Variants in GSDME observed in about 807,000 individuals in gnomAD.
GSDME encodes gasdermin E, also known as gasdermin-E.
GSDME carries 44 observed loss-of-function variants against 47.5 expected under a neutral mutation model. That is an observed-to-expected ratio of 0.93 (90% CI 0.73 to 1.19). The LOEUF (loss-of-function observed/expected upper bound fraction) is 1.19. Ranked by LOEUF, GSDME falls within the 50% of genes most tolerant of loss-of-function variation. GSDME has a pLI of 0.00. For synonymous variants in GSDME, 258 were observed against 252.8 expected, an observed-to-expected ratio of 1.02 and a Z score of -0.20; for missense variants, 663 against 604.2, an observed-to-expected ratio of 1.10 and a Z score of -1.02.
At chr7:24,767,449 A>G in the GSDME span, among the ~76,000 whole-genome samples, 216 of 152,122 alleles carry the variant, frequency 1.4e-3, 4 homozygotes, top group Admixed American at 0.011. This position sits in a 1 kb window ranked among gnomAD's most constrained non-coding sequence, Gnocchi z 5.3. Flanking sequence ...CTGTATATGT[A>G]TGCCCAGTCT....
At position 24,736,063 on chromosome 7, in the gene GSDME, T is replaced by G. The variant is rs1294577284; in HGVS notation, c.404+8499A>C. Among the ~76,000 whole-genome samples the G allele has an allele frequency of 6.6e-6, 1 of 151,750 alleles. No homozygotes were observed. Among genetic ancestry groups the G allele is most frequent in the Non-Finnish European group, 1.5e-5 (1 of 67,946 alleles). On this transcript the variant is annotated intron_variant, in intron 3 of 9. Coordinates refer to ENST00000645220, the MANE Select transcript of GSDME (RefSeq NM_001127453.2). This position sits in a 1 kb window ranked among gnomAD's most constrained non-coding sequence, Gnocchi z 4.6. ...AAAAAATAGAAAGCAAGAAATTAAATCATACCACCATAGAAAGTCACCTTC... is the reference window on the plus strand; with the variant it reads ...AAAAAATAGAAAGCAAGAAATTAAAGCATACCACCATAGAAAGTCACCTTC...
the GSDME span, among the ~76,000 whole-genome samples, chr7:24,766,967 TG>T: frequency 6.6e-6 from 1 of 152,190 alleles, no homozygotes; most frequent in Admixed American, 6.5e-5. This position sits in a 1 kb window ranked among gnomAD's most constrained non-coding sequence, Gnocchi z 4.2. Context: ...CAGCATCTGT[TG>T]TTTCCTGATT....
intron 6 of GSDME, 122 bp from the exon 7 acceptor site, chr7:24,708,376 TAGTC>T (rs1789209117): frequency 8.4e-7 from 1 of 1,194,126 alleles, no homozygotes; most frequent in Non-Finnish European, 1.2e-6. Flanking sequence ...CCCAGCTGCA[TAGTC>T]AGTCATGGAA....
At chr7:24,737,069 A>G (rs892561792) in intron 3 of GSDME, among the ~76,000 whole-genome samples, 1 of 152,122 alleles carries the variant, frequency 6.6e-6, no homozygotes, top group African/African-American at 2.4e-5. Context: ...AATTTCAAAT[A>G]AACAATCTAA....
In GSDME at chr7:24,708,194, G is replaced by C. The variant is rs142366720; in HGVS notation, c.923C>G (p.Thr308Arg). Residue 308 changes from threonine (T) to arginine (R), a missense_variant, in exon 7 of 10, where the codon ACA (threonine) becomes AGA (arginine). By Grantham distance (71) the Thr-to-Arg change is moderately conservative (BLOSUM62 -1). Coordinates refer to ENST00000645220, the MANE Select transcript of GSDME (RefSeq NM_001127453.2). ...PFAELPEPQQTALSDIFQAVL... is the reference protein window; with the variant it reads ...PFAELPEPQQRALSDIFQAVL... The stretch of plus-strand genomic sequence containing the variant: ...CGCCTGGAAGATGTCACTCAAAGCT[G>C]TCTGTTGTGGCTCAGGCAGCTCCGC... 3.1e-6 allele frequency: 5 copies of C among 1,614,078 alleles called. No homozygotes were observed. In the African/African-American group the frequency reaches 6.7e-5, roughly 22 times the overall value.
chr7:24,717,522 G>T, intron 4 of GSDME, 148 bp from the exon 5 acceptor site: 2 of 1,255,996 alleles, frequency 1.6e-6, no homozygotes, highest in Non-Finnish European at 2.2e-6. Context: ...AGCCAGCATG[G>T]GGGATGGGGG....
chr7:24,760,387 CA>C (rs1454114374), upstream of GSDME, among the ~76,000 whole-genome samples: 1 of 152,184 alleles, frequency 6.6e-6, no homozygotes, highest in Non-Finnish European at 1.5e-5. The surrounding 1 kb of genome is among the most constrained non-coding windows in gnomAD (Gnocchi z 4.2). Flanking sequence ...ATAACCTCTG[CA>C]AAGGAGAGAA....
Position 24,733,824 on chromosome 7 carries a change from T to A in GSDME, c.404+10738A>T, listed in dbSNP as rs1403083583. ...GAGGCCCTGACTCCTGGACAGCATC[T>A]CTGGACCCACCTGGGGCCCCAGGGA... is the stretch of plus-strand genomic sequence containing the variant. On this transcript the variant is annotated intron_variant, in intron 3 of 9. Coordinates refer to ENST00000645220, the MANE Select transcript of GSDME (RefSeq NM_001127453.2). This position sits in a 1 kb window ranked among gnomAD's most constrained non-coding sequence, Gnocchi z 4.3. Among the ~76,000 whole-genome samples, 2 of 152,170 alleles carry A rather than the reference T, an allele frequency of 1.3e-5. No individual in the cohort carries two copies. The highest frequency in any genetic ancestry group is 4.8e-5 in the African/African-American group (2 of 41,436).
intron 3 of GSDME, among the ~76,000 whole-genome samples, chr7:24,730,299 C>T (rs1790103839): frequency 6.6e-6 from 1 of 152,228 alleles, no homozygotes; most frequent in African/African-American, 2.4e-5. Context: ...TACATTTTAA[C>T]ATCTCAGAAA....
In GSDME at chr7:24,719,062, C is replaced by T. The variant is rs2128053614; in HGVS notation, c.561G>A (p.Gln187=). Residue 187 remains glutamine, a synonymous_variant, in exon 4 of 10, where the codon CAG becomes CAA. Coordinates refer to ENST00000645220, the MANE Select transcript of GSDME (RefSeq NM_001127453.2). ...EEKCGGIVGI[Q]TKTVQVSATE... is the part of the protein sequence containing the mutation. ...CTGCACGCACCTGCACCGTCTTGGT[C>T]TGGATGCCCACGATGCCACCACACT... 6.2e-7 allele frequency: 1 copy of T among 1,612,812 alleles called. No individual in the cohort carries two copies. Among genetic ancestry groups the T allele is most frequent in the East Asian group, 2.2e-5 (1 of 44,874 alleles).
In GSDME at chr7:24,716,918, A is replaced by G; in HGVS notation, c.697+336T>C. The G allele has an allele frequency of 2.7e-6, 1 of 375,554 alleles. No homozygotes were observed. The highest frequency in any genetic ancestry group is 5.2e-6 in the Non-Finnish European group (1 of 193,634). The allele number at this position is 375,554 out of a possible 1,614,324, so 23.3% of individuals were successfully genotyped here. The stretch of plus-strand genomic sequence containing the variant: ...CTTGCCTGAGACCTCATAGGACATC[A>G]TGGCACCGGGGTTGATGCCCAGTGT... On this transcript the variant is annotated intron_variant, in intron 5 of 9. Coordinates refer to ENST00000645220, the MANE Select transcript of GSDME (RefSeq NM_001127453.2). This position sits in a 1 kb window ranked among gnomAD's most constrained non-coding sequence, Gnocchi z 4.5.
intron 2 of GSDME, among the ~76,000 whole-genome samples, chr7:24,748,144 GTATATA>G (rs149368687): frequency 3.5e-4 from 50 of 140,946 alleles, no homozygotes; most frequent in Non-Finnish European, 6.1e-4. Context: ...ATTATATAGA[GTATATA>G]TATATATATA....
intron 3 of GSDME, among the ~76,000 whole-genome samples, chr7:24,738,576 A>G (rs548305288): frequency 3.3e-5 from 5 of 152,302 alleles, no homozygotes; most frequent in Admixed American, 6.5e-5. Flanking sequence ...TAGAGATTCA[A>G]TGCAATCCCT....
intron 1 of GSDME, among the ~76,000 whole-genome samples, chr7:24,751,286 AAAG>A (rs1790851711): frequency 6.6e-6 from 1 of 152,250 alleles, no homozygotes. Flanking sequence ...CCACATACAA[AAAG>A]AAGAAAATAA....
chr7:24,747,769 G>A (rs1453388989), intron 2 of GSDME, among the ~76,000 whole-genome samples: 1 of 152,072 alleles, frequency 6.6e-6, no homozygotes, highest in Non-Finnish European at 1.5e-5. Context: ...CTGGGTTCAA[G>A]CGATCCTCCC....
rs1789481898 is a variant in GSDME at position 24,714,737 on chromosome 7, TACCTCC to T, written c.697+2511_697+2516del. On this transcript the variant is annotated intron_variant, in intron 5 of 9. Coordinates refer to ENST00000645220, the MANE Select transcript of GSDME (RefSeq NM_001127453.2). The surrounding 1 kb of genome is among the most constrained non-coding windows in gnomAD (Gnocchi z 5.0). ...CAAACCCCATCTGAGAAAGAGAGGC[TACCTCC>T]ACAGAGCTGCGTCAGGGCAGGGTCT... 6.6e-6 allele frequency among the ~76,000 whole-genome samples: 1 copy of T among 152,188 alleles called. No homozygotes were observed. Among genetic ancestry groups the T allele is most frequent in the African/African-American group, 2.4e-5 (1 of 41,454 alleles).
At chr7:24,704,975 A>C (rs545464359) in intron 8 of GSDME, 2 of 152,390 alleles carry the variant, frequency 1.3e-5, no homozygotes, top group Non-Finnish European at 2.9e-5. Flanking sequence ...GATGGGGGCC[A>C]CCACACCCAG....
At chr7:24,768,939 G>A in the GSDME span, among the ~76,000 whole-genome samples, 12 of 152,210 alleles carry the variant, frequency 7.9e-5, no homozygotes, top group South Asian at 6.2e-4. This position sits in a 1 kb window ranked among gnomAD's most constrained non-coding sequence, Gnocchi z 5.6. Context: ...CACTGTCCTA[G>A]GCACTGGAGA....
At chr7:24,794,802 G>C in the GSDME span, among the ~76,000 whole-genome samples, 2 of 152,064 alleles carry the variant, frequency 1.3e-5, no homozygotes, top group African/African-American at 4.8e-5. Flanking sequence ...TTACCACAAA[G>C]AGGGAAGGCA....
Sources: allele counts gnomAD v4.1 joint callset (sites outside exome capture counted in the v4.1 genomes callset), GRCh38; gene constraint gnomAD v4.1.1; non-coding constraint Gnocchi (gnomAD v3.1); transcripts MANE v1.5; gene names NCBI Gene and HGNC (gene_info 2026-07-23, HGNC 2026-07-21).